Variants in SLCO3A1 observed in about 807,000 individuals in gnomAD.
The protein encoded by SLCO3A1 is PGE1 transporter.
Under a neutral mutation model 63.1 loss-of-function variants are expected in SLCO3A1, and 27 were observed. The ratio of observed to expected loss-of-function variants is 0.43; its 90% CI spans 0.32 to 0.59. The LOEUF is 0.59. Ranked by LOEUF, SLCO3A1 falls within the 20% of genes least tolerant of loss-of-function variation. SLCO3A1 has a pLI of 0.09. For missense variants in SLCO3A1, 773 were observed against 945.8 expected (o/e 0.82, Z 2.40); for synonymous variants, 473 against 409.9 (o/e 1.15, Z -1.86).
chr15:92,077,190 G>A (rs1035136030), intron 2 of SLCO3A1, among the ~76,000 whole-genome samples: 2 of 152,090 alleles, frequency 1.3e-5, no homozygotes. Context: ...TCCCTCCCAC[G>A]ACCCGTGGGA....
intron 5 of SLCO3A1, among the ~76,000 whole-genome samples, chr15:92,125,631 A>C (rs1390610146): frequency 6.6e-6 from 1 of 151,978 alleles, no homozygotes; most frequent in Non-Finnish European, 1.5e-5. Flanking sequence ...GACGAGGAGA[A>C]AAATCCCTAA....
At chr15:91,907,756 C>A (rs1271515544) in intron 1 of SLCO3A1, among the ~76,000 whole-genome samples, 2 of 152,138 alleles carry the variant, frequency 1.3e-5, no homozygotes, top group Non-Finnish European at 2.9e-5. Flanking sequence ...GAACTCCTGA[C>A]CTCAGGTGAT....
chr15:91,980,358 A>ATC (rs1297875820), intron 2 of SLCO3A1, among the ~76,000 whole-genome samples: 1 of 151,812 alleles, frequency 6.6e-6, no homozygotes, highest in Non-Finnish European at 1.5e-5. Context: ...GGGGCTCACC[A>ATC]TCTTGGACCC....
At chr15:91,980,632 G>A (rs1000509159) in intron 2 of SLCO3A1, among the ~76,000 whole-genome samples, 1 of 152,046 alleles carries the variant, frequency 6.6e-6, no homozygotes, top group African/African-American at 2.4e-5. Flanking sequence ...CGTAGCCCTG[G>A]CTGGCTTTGC....
chr15:91,909,566 G>A (rs1232852562), intron 1 of SLCO3A1, among the ~76,000 whole-genome samples: 1 of 152,198 alleles, frequency 6.6e-6, no homozygotes, highest in Admixed American at 6.5e-5. Flanking sequence ...CCCTGCTGCT[G>A]AGTGTGCAGT....
intron 1 of SLCO3A1, among the ~76,000 whole-genome samples, chr15:91,861,575 AAC>A (rs1897048441): frequency 6.6e-6 from 1 of 152,146 alleles, no homozygotes; most frequent in African/African-American, 2.4e-5. Context: ...CCTCCTAATC[AAC>A]ACACATTGAA....
intron 2 of SLCO3A1, among the ~76,000 whole-genome samples, chr15:92,065,376 C>T (rs922756993): frequency 1.8e-4 from 28 of 152,186 alleles, no homozygotes; most frequent in African/African-American, 6.8e-4. Context: ...GTGTGAGCCA[C>T]CACACCCGGC....
In SLCO3A1 at chr15:91,894,344, G is replaced by T. The variant is rs1242245444; in HGVS notation, c.181-21649G>T. Among the ~76,000 whole-genome samples, 1 of 152,160 alleles carries T rather than the reference G, an allele frequency of 6.6e-6. No individual in the cohort carries two copies. The highest frequency in any genetic ancestry group is 1.9e-4 in the East Asian group (1 of 5,194). The stretch of plus-strand genomic sequence containing the variant: ...TGGAAAATACTGAGTAACTTGCCAT[G>T]ATGTGACTTTGGTACTCAAAATATC... On this transcript the variant is annotated intron_variant, in intron 1 of 9. Transcript: ENST00000318445. The surrounding 1 kb of genome is among the most constrained non-coding windows in gnomAD (Gnocchi z 4.8).
intron 2 of SLCO3A1, among the ~76,000 whole-genome samples, chr15:92,053,700 T>TTG (rs2046987921): frequency 4.7e-5 from 7 of 150,016 alleles, no homozygotes; most frequent in African/African-American, 1.5e-4. Flanking sequence ...TTGTTTGTTT[T>TTG]TTTTTTTTTT....
At chr15:92,139,655 C>T (rs1447966495) in intron 7 of SLCO3A1, among the ~76,000 whole-genome samples, 1 of 152,134 alleles carries the variant, frequency 6.6e-6, no homozygotes, top group Non-Finnish European at 1.5e-5. Flanking sequence ...AATTTCAGCT[C>T]CTGTTATTGG....
rs773117193 is a variant in SLCO3A1 at position 91,872,823 on chromosome 15, C to A, written c.180+18735C>A. Among the ~76,000 whole-genome samples the A allele has an allele frequency of 6.6e-6, 1 of 152,224 alleles. No homozygotes were observed. The highest frequency in any genetic ancestry group is 1.5e-5 in the Non-Finnish European group (1 of 68,046). ...CTTTACTGGGACCAGAGAATAACTT[C>A]ACCAGGGCCAGAGAATCTGTTCTCT... On this transcript the variant is annotated intron_variant, in intron 1 of 9. Transcript: ENST00000318445. The surrounding 1 kb of genome is among the most constrained non-coding windows in gnomAD (Gnocchi z 4.1).
intron 2 of SLCO3A1, among the ~76,000 whole-genome samples, chr15:92,043,051 G>A (rs1156540214): frequency 6.6e-6 from 1 of 152,116 alleles, no homozygotes; most frequent in Non-Finnish European, 1.5e-5. Flanking sequence ...TTGTGCAGTT[G>A]TCACAGACAT....
At chr15:91,892,131 A>G (rs567257293) in intron 1 of SLCO3A1, among the ~76,000 whole-genome samples, 1 of 152,160 alleles carries the variant, frequency 6.6e-6, no homozygotes, top group African/African-American at 2.4e-5. Context: ...AATCTCCCCA[A>G]CAGCCTACAA....
At chr15:91,923,829 T>C (rs997312279) in intron 2 of SLCO3A1, among the ~76,000 whole-genome samples, 1 of 152,246 alleles carries the variant, frequency 6.6e-6, no homozygotes, top group African/African-American at 2.4e-5. Flanking sequence ...TGGCATATTA[T>C]AAAGTTTTTC....
chr15:91,965,722 GT>G (rs1434923972), intron 2 of SLCO3A1, among the ~76,000 whole-genome samples: 4 of 48,214 alleles, frequency 8.3e-5, no homozygotes, highest in East Asian at 5.9e-4. Context: ...AGCCAGCAGG[GT>G]GTGTGTGTGT....
chr15:92,066,679 T>C (rs2047156195), intron 2 of SLCO3A1, among the ~76,000 whole-genome samples: 1 of 152,132 alleles, frequency 6.6e-6, no homozygotes, highest in South Asian at 2.1e-4. Flanking sequence ...GCGCCTGCCT[T>C]GTAGAATTGA....
chr15:92,055,269 C>A (rs560451444), intron 2 of SLCO3A1, among the ~76,000 whole-genome samples: 1 of 152,188 alleles, frequency 6.6e-6, no homozygotes, highest in African/African-American at 2.4e-5. Flanking sequence ...CTGTTCATGT[C>A]TGTTGCCCAC....
chr15:92,053,675 T>C (rs2046985239), intron 2 of SLCO3A1, among the ~76,000 whole-genome samples: 1 of 56,714 alleles, frequency 1.8e-5, no homozygotes. Context: ...TTTTATGTTT[T>C]GTTTTTTTGT....
intron 2 of SLCO3A1, among the ~76,000 whole-genome samples, chr15:92,010,103 C>A (rs2046353098): frequency 6.6e-6 from 1 of 152,200 alleles, no homozygotes; most frequent in Non-Finnish European, 1.5e-5. Context: ...TAAACTACCA[C>A]ATGACACTTA....
Sources: allele counts gnomAD v4.1 joint callset (sites outside exome capture counted in the v4.1 genomes callset), GRCh38; gene constraint gnomAD v4.1.1; non-coding constraint Gnocchi (gnomAD v3.1); transcripts MANE v1.5; gene names NCBI Gene and HGNC (gene_info 2026-07-23, HGNC 2026-07-21).